NRCAM: variants seen among roughly 807,000 people sequenced by gnomAD.
NRCAM encodes neuronal cell adhesion molecule, also known as NgCAM-related cell adhesion molecule.
In NRCAM, 83 loss-of-function variants were observed where a neutral mutation model predicts 156.5. The ratio of observed to expected loss-of-function variants is 0.53; its 90% confidence interval spans 0.44 to 0.64. NRCAM has a LOEUF of 0.64. Among genes scored for constraint, NRCAM ranks in the 30% least tolerant of loss-of-function variants. The probability of loss-of-function intolerance (pLI) is 0.00; values close to 1 mark genes in which losing one functional copy is unlikely to be tolerated. For missense variants in NRCAM, 1,417 were observed against 1,597.3 expected, an observed-to-expected ratio of 0.89 and a Z score of 1.92; for synonymous variants, 538 against 563.9, an observed-to-expected ratio of 0.95 and a Z score of 0.65.
chr7:108,179,240 C>T (rs948938663), intron 25 of NRCAM, among the ~76,000 whole-genome samples: 1 of 152,096 alleles, frequency 6.6e-6, no homozygotes, highest in Non-Finnish European at 1.5e-5. Context: ...GACTACAGTC[C>T]CCAGCTTGTG....
At chr7:108,422,941 C>T (rs1480632100) in intron 1 of NRCAM, among the ~76,000 whole-genome samples, 3 of 152,048 alleles carry the variant, frequency 2.0e-5, no homozygotes, top group Non-Finnish European at 2.9e-5. Flanking sequence ...ATCTTAGCCT[C>T]CAGGAGCCAA....
chr7:108,288,938 C>T (rs1483745824), intron 3 of NRCAM, among the ~76,000 whole-genome samples: 1 of 151,996 alleles, frequency 6.6e-6, no homozygotes, highest in East Asian at 1.9e-4. Context: ...CTTGCAATGG[C>T]TTTTCTATAT....
intron 8 of NRCAM, among the ~76,000 whole-genome samples, chr7:108,229,557 G>A (rs73725390): frequency 0.031 from 4,722 of 152,176 alleles, 227 homozygotes; most frequent in African/African-American, 0.11. Context: ...CACCTCTGGA[G>A]GGCTCCTGGT....
intron 3 of NRCAM, among the ~76,000 whole-genome samples, chr7:108,275,052 G>A (rs1004550435): frequency 1.3e-4 from 20 of 152,222 alleles, no homozygotes; most frequent in South Asian, 4.1e-4. Context: ...ATTGATTTGC[G>A]TATGTTGAAC....
chr7:108,341,438 GCCAC>G (rs1474139469), intron 2 of NRCAM, among the ~76,000 whole-genome samples: 3 of 152,146 alleles, frequency 2.0e-5, no homozygotes, highest in Non-Finnish European at 4.4e-5. Flanking sequence ...ACTTCTCCCA[GCCAC>G]TAAGTTGTGA....
intron 25 of NRCAM, among the ~76,000 whole-genome samples, chr7:108,178,625 G>T: frequency 6.6e-6 from 1 of 152,168 alleles, no homozygotes; most frequent in East Asian, 1.9e-4. Flanking sequence ...AGCTGCCCAG[G>T]ATCTGGTGGT....
At chr7:108,239,100 G>C (rs900882819) in intron 4 of NRCAM, among the ~76,000 whole-genome samples, 1 of 152,130 alleles carries the variant, frequency 6.6e-6, no homozygotes, top group Admixed American at 6.5e-5. Context: ...AATCGATTCT[G>C]AAGTACAGTA....
intron 11 of NRCAM, among the ~76,000 whole-genome samples, chr7:108,217,481 G>C (rs2089910692): frequency 6.6e-6 from 1 of 152,226 alleles, no homozygotes; most frequent in African/African-American, 2.4e-5. Context: ...TTCAGAGCCA[G>C]CAGCAGGAAT....
chr7:108,272,474 C>T (rs1027562145), intron 3 of NRCAM, among the ~76,000 whole-genome samples: 1 of 152,076 alleles, frequency 6.6e-6, no homozygotes, highest in Non-Finnish European at 1.5e-5. Context: ...GACCAGTTGA[C>T]GATCTTTATT....
chr7:108,226,816 C>T lies in NRCAM; in HGVS notation c.551-438G>A, dbSNP rs546577641. On this transcript the variant is annotated intron_variant, in intron 8 of 32. Transcript: ENST00000379028. ...ACACACAACATTCAGAAACTAAATA[C>T]GTGGAGACCATCTAACAATGAGCTG... Among the ~76,000 whole-genome samples the T allele has an allele frequency of 2.1e-4, 32 of 152,220 alleles. No homozygotes were observed. The South Asian group carries it at 2.7e-3, about 13-fold the overall frequency.
At chr7:108,229,266 A>G (rs1175492037) in intron 8 of NRCAM, among the ~76,000 whole-genome samples, 2 of 152,298 alleles carry the variant, frequency 1.3e-5, no homozygotes, top group African/African-American at 4.8e-5. Flanking sequence ...TTCTAAAATT[A>G]TTATCATTAT....
At chr7:108,180,065 G>C (rs1459334359) in intron 25 of NRCAM, among the ~76,000 whole-genome samples, 158 bp downstream of exon 25, 1 of 152,190 alleles carries the variant, frequency 6.6e-6, no homozygotes. Context: ...CATATGATCT[G>C]ACATTTTGGT....
At chr7:108,223,652 T>C in intron 11 of NRCAM, 73 bp downstream of exon 11, 1 of 731,306 alleles carries the variant, frequency 1.4e-6, no homozygotes, top group South Asian at 2.0e-5. Context: ...TCCTATGATA[T>C]TATTAACCTC....
intron 3 of NRCAM, among the ~76,000 whole-genome samples, chr7:108,252,731 AGCC>A (rs1562957463): frequency 1.6e-4 from 25 of 152,378 alleles, no homozygotes; most frequent in African/African-American, 5.8e-4. Context: ...AATTGGACTA[AGCC>A]ATCAGACAAG....
intron 3 of NRCAM, among the ~76,000 whole-genome samples, chr7:108,291,265 T>C (rs1470992747): frequency 6.6e-6 from 1 of 152,222 alleles, no homozygotes; most frequent in East Asian, 1.9e-4. Flanking sequence ...TAAATACTAC[T>C]TAATTGGACT....
chr7:108,284,797 T>A (rs186237143), intron 3 of NRCAM, among the ~76,000 whole-genome samples: 60 of 152,326 alleles, frequency 3.9e-4, no homozygotes, highest in African/African-American at 1.3e-3. Flanking sequence ...CTACACTTGT[T>A]TACAAGTCTG....
chr7:108,251,497 A>T (rs1009404143), intron 3 of NRCAM, among the ~76,000 whole-genome samples: 2 of 152,234 alleles, frequency 1.3e-5, no homozygotes, highest in Admixed American at 1.3e-4. Flanking sequence ...CAAATCTGCT[A>T]TAATAGAAAT....
intron 4 of NRCAM, among the ~76,000 whole-genome samples, chr7:108,239,440 T>C (rs1397189411): frequency 6.6e-6 from 1 of 152,184 alleles, no homozygotes; most frequent in African/African-American, 2.4e-5. Context: ...ATGCGCCTTG[T>C]CTGAATCAAG....
intron 1 of NRCAM, among the ~76,000 whole-genome samples, chr7:108,452,599 C>T (rs138017886): frequency 2.0e-5 from 3 of 152,276 alleles, no homozygotes; most frequent in East Asian, 3.9e-4. Context: ...GGTAGGGAAG[C>T]ATAAAATTTT....
Sources: gnomAD v4.1 joint callset for allele counts (sites outside exome capture counted in the v4.1 genomes callset) on GRCh38, gnomAD v4.1.1 for gene constraint, MANE v1.5 for transcripts, NCBI Gene and HGNC (gene_info 2026-07-23, HGNC 2026-07-21) for gene names.